POFUT3: variants seen among roughly 807,000 people sequenced by gnomAD.
The protein encoded by POFUT3 is protein O-fucosyltransferase 3.
At chr8:33,419,788 G>A in the POFUT3 span, among the ~76,000 whole-genome samples, 5 of 152,132 alleles carry the variant, frequency 3.3e-5, no homozygotes, top group Non-Finnish European at 7.3e-5. Flanking sequence ...TAATATGTTA[G>A]GTCATTTATT....
At chr8:33,350,229 G>A in the POFUT3 span, among the ~76,000 whole-genome samples, 2 of 152,122 alleles carry the variant, frequency 1.3e-5, no homozygotes, top group Non-Finnish European at 2.9e-5. Context: ...TTCCTCTGCT[G>A]ATTATTTCCT....
the POFUT3 span, among the ~76,000 whole-genome samples, chr8:33,329,496 C>A: frequency 2.0e-5 from 3 of 152,160 alleles, no homozygotes; most frequent in African/African-American, 4.8e-5. Context: ...TCTCTTTATT[C>A]TTCTTATGAT....
the POFUT3 span, among the ~76,000 whole-genome samples, chr8:33,377,914 A>G: frequency 2.0e-5 from 3 of 152,354 alleles, no homozygotes; most frequent in East Asian, 5.8e-4. Context: ...TTGAGGAAAG[A>G]TGGATAATCT....
At chr8:33,390,548 C>CAAAAA in the POFUT3 span, among the ~76,000 whole-genome samples, 1 of 87,852 alleles carries the variant, frequency 1.1e-5, no homozygotes, top group African/African-American at 3.9e-5. Flanking sequence ...TGATTAACTG[C>CAAAAA]AAAAAAAAAA....
chr8:33,334,968 G>A, the POFUT3 span, among the ~76,000 whole-genome samples: 1 of 152,160 alleles, frequency 6.6e-6, no homozygotes, highest in Non-Finnish European at 1.5e-5. Flanking sequence ...CTATAAGCAG[G>A]CTTTGAGAAT....
At chr8:33,380,148 C>CACTATATATATAT in the POFUT3 span, among the ~76,000 whole-genome samples, 37 of 36,498 alleles carry the variant, frequency 1.0e-3, 1 homozygote, top group Non-Finnish European at 1.3e-3. Flanking sequence ...TATATATATA[C>CACTATATATATAT]ACTATATATA....
the POFUT3 span, among the ~76,000 whole-genome samples, chr8:33,386,723 T>C: frequency 9.9e-5 from 15 of 152,048 alleles, no homozygotes. Flanking sequence ...AGCAGGAGAA[T>C]GGCGTGAACC....
chr8:33,422,171 T>C, the POFUT3 span, among the ~76,000 whole-genome samples: 2 of 151,704 alleles, frequency 1.3e-5, no homozygotes, highest in South Asian at 2.1e-4. Context: ...TTCTGACACA[T>C]GTTCAGTTCC....
chr8:33,414,030 C>T, the POFUT3 span, among the ~76,000 whole-genome samples: 2 of 152,082 alleles, frequency 1.3e-5, no homozygotes, highest in Admixed American at 1.3e-4. Flanking sequence ...TCTCTGTCCC[C>T]CCTTCACCTC....
At chr8:33,318,572 A>T in the POFUT3 span, among the ~76,000 whole-genome samples, 3 of 91,574 alleles carry the variant, frequency 3.3e-5, no homozygotes, top group Non-Finnish European at 5.7e-5. Flanking sequence ...TATAATATAT[A>T]AATATATTGT....
the POFUT3 span, among the ~76,000 whole-genome samples, chr8:33,402,500 T>C: frequency 6.6e-6 from 1 of 152,320 alleles, no homozygotes; most frequent in East Asian, 1.9e-4. Context: ...CAAAGCACTG[T>C]CCTCCAAAGT....
the POFUT3 span, among the ~76,000 whole-genome samples, chr8:33,380,848 A>AAT: frequency 9.8e-4 from 148 of 151,200 alleles, no homozygotes; most frequent in Non-Finnish European, 1.9e-3. Context: ...AAAAAAAAAA[A>AAT]AAATGCCAGG....
the POFUT3 span, among the ~76,000 whole-genome samples, chr8:33,443,100 C>T: frequency 6.6e-6 from 1 of 152,116 alleles, no homozygotes; most frequent in African/African-American, 2.4e-5. Context: ...GTGACAGAGC[C>T]AGAACCTGCC....
At chr8:33,390,650 G>A in the POFUT3 span, among the ~76,000 whole-genome samples, 175 of 151,752 alleles carry the variant, frequency 1.2e-3, 1 homozygote, top group African/African-American at 3.8e-3. Flanking sequence ...GCAAAGTGCA[G>A]TTAATCAATC....
At chr8:33,351,136 G>C in the POFUT3 span, among the ~76,000 whole-genome samples, 3 of 152,026 alleles carry the variant, frequency 2.0e-5, no homozygotes, top group Non-Finnish European at 4.4e-5. Flanking sequence ...TGTTTTCTTA[G>C]TAGAGACAGG....
chr8:33,323,568 C>A, the POFUT3 span, among the ~76,000 whole-genome samples: 1 of 152,146 alleles, frequency 6.6e-6, no homozygotes, highest in Non-Finnish European at 1.5e-5. Context: ...AAGTCAGATG[C>A]CTTGGAGTAA....
chr8:33,436,640 G>C, the POFUT3 span: 1 of 872,298 alleles, frequency 1.1e-6, no homozygotes, highest in African/African-American at 1.7e-5. Flanking sequence ...TGCTAGAAGA[G>C]TGAGCGAATC....
chr8:33,453,275 A>T, the POFUT3 span: 549 of 1,614,214 alleles, frequency 3.4e-4, 1 homozygote, highest in Admixed American at 5.7e-4. Flanking sequence ...GATGGTGAAG[A>T]AACAAGCATC....
the POFUT3 span, among the ~76,000 whole-genome samples, chr8:33,449,352 C>G: frequency 1.6e-5 from 2 of 125,592 alleles, no homozygotes; most frequent in Non-Finnish European, 3.1e-5. Flanking sequence ...TGCAATGACA[C>G]GATCTTGGCT....
Sources: allele counts gnomAD v4.1 joint callset (sites outside exome capture counted in the v4.1 genomes callset), GRCh38; gene constraint gnomAD v4.1.1; transcripts MANE v1.5; gene names NCBI Gene and HGNC (gene_info 2026-07-23, HGNC 2026-07-21).